Variants in SPECC1 observed in about 807,000 individuals in gnomAD.
The protein encoded by SPECC1 is sperm antigen with calponin homology and coiled-coil domains 1.
Under a neutral mutation model 104.1 loss-of-function variants are expected in SPECC1, and 62 were observed. The observed-to-expected ratio is 0.60, with a 90% CI of 0.49 to 0.74. The LOEUF is 0.74. SPECC1 is among the 30% of genes least tolerant of loss of function. The pLI, the probability that SPECC1 is intolerant of heterozygous loss-of-function variation, is 0.00. For missense variants in SPECC1, 1,306 were observed against 1,310.5 expected (o/e 1.00, Z 0.05); for synonymous variants, 513 against 501.6 (o/e 1.02, Z -0.30).
chr17:20,244,957 T>C (rs1188391584), intron 7 of SPECC1, among the ~76,000 whole-genome samples: 1 of 152,184 alleles, frequency 6.6e-6, no homozygotes, highest in African/African-American at 2.4e-5. Flanking sequence ...ATTGGGTCAA[T>C]GATCTATCAT....
intron 3 of SPECC1, among the ~76,000 whole-genome samples, chr17:20,114,417 A>G (rs769525974): frequency 4.0e-5 from 6 of 151,692 alleles, no homozygotes; most frequent in East Asian, 3.9e-4. Flanking sequence ...GTCTTGATCT[A>G]CTGACCTTGT....
chr17:20,238,494 A>G, intron 7 of SPECC1: 1 of 1,042,400 alleles, frequency 9.6e-7, no homozygotes, highest in Non-Finnish European at 1.2e-6. Context: ...ACAAGACAAA[A>G]GTTACTGTCT....
intron 1 of SPECC1, among the ~76,000 whole-genome samples, chr17:20,029,830 G>T (rs950801076): frequency 6.6e-6 from 1 of 151,942 alleles, no homozygotes. Context: ...TGTTAACTTG[G>T]TTGATCTTTT....
At chr17:20,083,000 TCGTTCATTCATC>T (rs955310851) in intron 1 of SPECC1, among the ~76,000 whole-genome samples, 3 of 140,092 alleles carry the variant, frequency 2.1e-5, no homozygotes, top group Admixed American at 7.4e-5. Context: ...GTTCGTTCGT[TCGTTCATTCATC>T]CATCTAAAAA....
chr17:20,203,981 A>G (rs2036599263), intron 3 of SPECC1, among the ~76,000 whole-genome samples: 2 of 152,110 alleles, frequency 1.3e-5, no homozygotes, highest in South Asian at 4.1e-4. Flanking sequence ...CCATTCCCAC[A>G]CCTACACATT....
At chr17:20,207,289 G>C (rs1164785958) in intron 4 of SPECC1, among the ~76,000 whole-genome samples, 1 of 152,204 alleles carries the variant, frequency 6.6e-6, no homozygotes, top group African/African-American at 2.4e-5. Flanking sequence ...TGAGCTTAGT[G>C]GTGGGTCATG....
chr17:20,206,725 T>TA (rs2036807087), intron 4 of SPECC1, among the ~76,000 whole-genome samples: 1 of 152,182 alleles, frequency 6.6e-6, no homozygotes, highest in South Asian at 2.1e-4. Flanking sequence ...GACGATGACT[T>TA]ACCGAGTCAA....
At chr17:20,284,421 C>T (rs925346069) in intron 12 of SPECC1, among the ~76,000 whole-genome samples, 10 of 152,234 alleles carry the variant, frequency 6.6e-5, no homozygotes, top group African/African-American at 2.4e-4. Flanking sequence ...TTGTGCTGTC[C>T]GTGTGCAGGA....
chr17:20,296,814 C>T (rs1234623393), intron 12 of SPECC1, 147 bp from the exon 13 acceptor site: 3 of 656,292 alleles, frequency 4.6e-6, no homozygotes, highest in Non-Finnish European at 5.2e-6. Flanking sequence ...GTGAATTCGG[C>T]TCTCTGTCTG....
chr17:20,124,761 C>T (rs1231279837), intron 3 of SPECC1, among the ~76,000 whole-genome samples: 3 of 152,176 alleles, frequency 2.0e-5, no homozygotes, highest in Non-Finnish European at 4.4e-5. Context: ...GCTCAGAACA[C>T]TCATATGAGC....
chr17:20,098,919 G>T (rs2047786095), intron 2 of SPECC1, among the ~76,000 whole-genome samples: 1 of 152,168 alleles, frequency 6.6e-6, no homozygotes, highest in African/African-American at 2.4e-5. Flanking sequence ...CCTGCTACCT[G>T]GTAGGCACTC....
rs1350402440 is a variant in SPECC1, at chr17:20,179,863, G to GT, written c.284-24469dup. Reference sequence around the variant, plus strand: ...ATTAACACGGCTGAAGATTCAGAATGTAAGTGTAAAGTAAGAATTCTTGGA... The same window carrying GT: ...ATTAACACGGCTGAAGATTCAGAATGTTAAGTGTAAAGTAAGAATTCTTGGA... On this transcript the variant is annotated intron_variant, in intron 3 of 14. Transcript: ENST00000395527. Among the ~76,000 whole-genome samples the GT allele has an allele frequency of 8.5e-5, 13 of 152,358 alleles. 1 individual carries two copies. The highest frequency in any genetic ancestry group is 3.1e-4 in the African/African-American group (13 of 41,590).
At chr17:20,034,055 T>G (rs1274660458) in intron 1 of SPECC1, among the ~76,000 whole-genome samples, 2 of 152,182 alleles carry the variant, frequency 1.3e-5, no homozygotes, top group Non-Finnish European at 2.9e-5. Context: ...AATTAAATTC[T>G]GGCTCCTTTA....
intron 1 of SPECC1, among the ~76,000 whole-genome samples, chr17:20,082,057 G>A (rs1469136171): frequency 6.6e-6 from 1 of 152,176 alleles, no homozygotes; most frequent in Non-Finnish European, 1.5e-5. Flanking sequence ...GCCGTTCTGG[G>A]CCTCCGCCAT....
At chr17:20,046,085 C>T (rs972549739) in intron 1 of SPECC1, among the ~76,000 whole-genome samples, 4 of 149,234 alleles carry the variant, frequency 2.7e-5, no homozygotes, top group Admixed American at 6.7e-5. Context: ...GTTTTTGTGA[C>T]GCTTTGAGAA....
intron 3 of SPECC1, among the ~76,000 whole-genome samples, chr17:20,133,361 G>A (rs2049756952): frequency 6.6e-6 from 1 of 151,946 alleles, no homozygotes; most frequent in South Asian, 2.1e-4. Context: ...AGAAGCAGAA[G>A]TGTAGATTAT....
chr17:20,097,741 T>A (rs1285124099), intron 2 of SPECC1, among the ~76,000 whole-genome samples: 1 of 152,208 alleles, frequency 6.6e-6, no homozygotes, highest in Non-Finnish European at 1.5e-5. Flanking sequence ...GGGCACATTG[T>A]TTTTATGAGT....
At chr17:20,092,063 C>G (rs2047426347) in intron 1 of SPECC1, among the ~76,000 whole-genome samples, 1 of 152,184 alleles carries the variant, frequency 6.6e-6, no homozygotes, top group Admixed American at 6.5e-5. Flanking sequence ...TCCTCCTTTT[C>G]TCCCTCCCTC....
At chr17:20,276,659 T>A (rs1426059284) in intron 12 of SPECC1, among the ~76,000 whole-genome samples, 1 of 152,102 alleles carries the variant, frequency 6.6e-6, no homozygotes, top group African/African-American at 2.4e-5. Context: ...GGTGTGTGAG[T>A]TGAAGAGGTG....
Sources: allele counts gnomAD v4.1 joint callset (sites outside exome capture counted in the v4.1 genomes callset), GRCh38; gene constraint gnomAD v4.1.1; transcripts MANE v1.5; gene names NCBI Gene and HGNC (gene_info 2026-07-23, HGNC 2026-07-21).